Variants in MTCL1 observed in about 807,000 individuals in gnomAD.
MTCL1 encodes the protein microtubule crosslinking factor 1, also known as microtubule cross-linking factor 1.
MTCL1 carries 79 observed loss-of-function variants against 141.4 expected under a neutral mutation model. That is an observed-to-expected ratio of 0.56 (90% CI 0.47 to 0.67). MTCL1 has a LOEUF of 0.67. Ranked by LOEUF, MTCL1 falls within the 30% of genes least tolerant of loss-of-function variation. The pLI, the probability that MTCL1 is intolerant of heterozygous loss-of-function variation, is 0.00. For synonymous variants in MTCL1, 914 were observed against 875.8 expected (o/e 1.04, Z -0.77); for missense variants, 2,177 against 2,113.9 (o/e 1.03, Z -0.59).
intron 4 of MTCL1, among the ~76,000 whole-genome samples, chr18:8,764,347 C>T (rs923355410): frequency 4.0e-5 from 6 of 148,804 alleles, no homozygotes; most frequent in South Asian, 2.1e-4. Flanking sequence ...GACAGAGTTT[C>T]GTTCTTGTTG....
chr18:8,790,184 C>T (rs971677497), intron 7 of MTCL1, among the ~76,000 whole-genome samples: 4 of 152,084 alleles, frequency 2.6e-5, no homozygotes, highest in East Asian at 1.9e-4. Flanking sequence ...CAGAAGAGCA[C>T]GTTTTAAATC....
chr18:8,762,971 CCTCTT>C (rs1010824826), intron 4 of MTCL1, among the ~76,000 whole-genome samples: 4 of 152,156 alleles, frequency 2.6e-5, no homozygotes, highest in Non-Finnish European at 5.9e-5. Context: ...TATTCTTTCT[CCTCTT>C]TGTTAATTTC....
chr18:8,725,111 C>G (rs1210383206), intron 4 of MTCL1, among the ~76,000 whole-genome samples: 1 of 151,988 alleles, frequency 6.6e-6, no homozygotes, highest in African/African-American at 2.4e-5. Context: ...GTATTTCATT[C>G]TACCCCCAAT....
intron 5 of MTCL1, among the ~76,000 whole-genome samples, chr18:8,780,568 T>C (rs1442472329): frequency 1.3e-5 from 2 of 152,224 alleles, no homozygotes; most frequent in South Asian, 2.1e-4. Flanking sequence ...TTTTTGACAA[T>C]GGACAGACAC....
chr18:8,737,724 G>A (rs1229518388), intron 4 of MTCL1, among the ~76,000 whole-genome samples: 2 of 152,176 alleles, frequency 1.3e-5, no homozygotes, highest in East Asian at 3.9e-4. Context: ...ACCCATGGGG[G>A]GAAAGTAGCC....
rs1471557005 is a variant in MTCL1 at position 8,798,253 on chromosome 18, C to T, written c.2398C>T (p.Arg800Trp). 15 of 1,574,608 alleles carry T rather than the reference C, an allele frequency of 9.5e-6. No homozygotes were observed. The East Asian group carries it at 1.9e-4, about 20-fold the overall frequency. Residue 800 changes from arginine to tryptophan, a missense_variant, in exon 10 of 17, where the codon CGG becomes TGG. Physicochemically the swap from Arg to Trp is moderately radical, Grantham distance 101. Transcript: ENST00000359865. ...GGTGCAGATTGGAGATCACAGCTTG[C>T]GGCTGCAGACCGCGGACAGGGGACA...
intron 11 of MTCL1, among the ~76,000 whole-genome samples, chr18:8,807,383 ACT>A (rs1479849980): frequency 1.3e-5 from 2 of 152,212 alleles, no homozygotes; most frequent in African/African-American, 2.4e-5. Context: ...AGCTGACATA[ACT>A]CTAGACAGGA....
intron 1 of MTCL1, among the ~76,000 whole-genome samples, chr18:8,708,999 G>T (rs551318350): frequency 6.6e-6 from 1 of 152,308 alleles, no homozygotes; most frequent in South Asian, 2.1e-4. Context: ...GTTCAATTCG[G>T]GAAGGAAACG....
At chr18:8,730,379 C>T (rs2148862858) in intron 4 of MTCL1, among the ~76,000 whole-genome samples, 1 of 152,238 alleles carries the variant, frequency 6.6e-6, no homozygotes, top group South Asian at 2.1e-4. Flanking sequence ...AAGGTTTTAT[C>T]ATCTTTATTT....
chr18:8,822,178 G>A lies in MTCL1; in HGVS notation c.3188+680G>A, dbSNP rs1166361018. Among the ~76,000 whole-genome samples, 2 of 152,186 alleles carry A rather than the reference G, an allele frequency of 1.3e-5. No individual in the cohort carries two copies. The highest frequency in any genetic ancestry group is 2.9e-5 in the Non-Finnish European group (2 of 68,038). On this transcript the variant is annotated intron_variant, in intron 14 of 16. Transcript: ENST00000359865. The surrounding 1 kb of genome is among the most constrained non-coding windows in gnomAD (Gnocchi z 4.6). The stretch of plus-strand genomic sequence containing the variant: ...CCAGATCTCTGCAGCACCTAGCCAT[G>A]CCTGTGGCACACTTCTGTCCTTCAC...
At chr18:8,786,119 C>CTCA in intron 7 of MTCL1, 28 bp downstream of exon 6, 2 of 1,428,830 alleles carry the variant, frequency 1.4e-6, no homozygotes, top group Non-Finnish European at 1.9e-6. Context: ...ATCCCCCCCC[C>CTCA]CCGCCCTCCC....
chr18:8,782,455 C>G (rs1180415327), intron 5 of MTCL1: 2 of 152,216 alleles, frequency 1.3e-5, no homozygotes, highest in Admixed American at 1.3e-4. Flanking sequence ...GGGAGTTCAT[C>G]TGGCTTCAAA....
At chr18:8,785,020 TG>T (rs1389040104) in intron 6 of MTCL1, among the ~76,000 whole-genome samples, 177 bp downstream of exon 5, 2 of 144,052 alleles carry the variant, frequency 1.4e-5, no homozygotes, top group South Asian at 2.2e-4. Context: ...CCGTTTTTTT[TG>T]TTTTTTTTTT....
At chr18:8,817,641 TA>T (rs557526186) in intron 12 of MTCL1, among the ~76,000 whole-genome samples, 4 of 151,564 alleles carry the variant, frequency 2.6e-5, no homozygotes, top group South Asian at 2.1e-4. Context: ...TAGTGATGCT[TA>T]AAAAAAAATG....
intron 4 of MTCL1, among the ~76,000 whole-genome samples, chr18:8,726,472 G>GAGAGAGA (rs1555629141): frequency 7.6e-6 from 1 of 131,594 alleles, no homozygotes; most frequent in African/African-American, 2.9e-5. Context: ...GAGAATAAGA[G>GAGAGAGA]GAGAGAGAGA....
At chr18:8,775,571 TCAAAA>T (rs61282689) in intron 4 of MTCL1, among the ~76,000 whole-genome samples, 10 of 151,858 alleles carry the variant, frequency 6.6e-5, no homozygotes, top group Admixed American at 1.3e-4. Context: ...AGATTCCGTC[TCAAAA>T]CAAAACAAAA....
exon 6 of MTCL1, chr18:8,783,585 T>G (rs1333833982): frequency 6.2e-7 from 1 of 1,613,272 alleles, no homozygotes. Flanking sequence ...GAAGCCTTCC[T>G]GATGCGCAAA....
At chr18:8,728,217 A>G (rs2096228938) in intron 4 of MTCL1, among the ~76,000 whole-genome samples, 2 of 152,082 alleles carry the variant, frequency 1.3e-5, no homozygotes, top group African/African-American at 2.4e-5. Flanking sequence ...TTAATTGCCT[A>G]TTTGTTTACT....
chr18:8,713,060 G>T (rs1241365444), upstream of MTCL1, among the ~76,000 whole-genome samples: 1 of 152,030 alleles, frequency 6.6e-6, no homozygotes, highest in South Asian at 2.1e-4. Flanking sequence ...CCTTTTAGAG[G>T]TTTTCATTAA....
Sources: allele counts gnomAD v4.1 joint callset (sites outside exome capture counted in the v4.1 genomes callset), GRCh38; gene constraint gnomAD v4.1.1; non-coding constraint Gnocchi (gnomAD v3.1); transcripts MANE v1.5; gene names NCBI Gene and HGNC (gene_info 2026-07-23, HGNC 2026-07-21).